BLOC1S5: variants seen among roughly 807,000 people sequenced by gnomAD.
BLOC1S5 encodes the protein biogenesis of lysosome-related organelles complex 1 subunit 5.
Under a neutral mutation model 24.3 loss-of-function variants are expected in BLOC1S5, and 27 were observed. That is an observed-to-expected ratio of 1.11 (90% CI 0.82 to 1.53). The LOEUF (loss-of-function observed/expected upper bound fraction) is 1.53, where lower values mean the gene tolerates loss of function less well. Among genes scored for constraint, BLOC1S5 ranks in the 40% most tolerant of loss-of-function variants. The probability of loss-of-function intolerance (pLI) is 0.00; values close to 1 mark genes in which losing one functional copy is unlikely to be tolerated. For missense variants in BLOC1S5, 239 were observed against 229.4 expected (o/e 1.04, Z -0.27); for synonymous variants, 84 against 74.5 (o/e 1.13, Z -0.66).
chr6:8,047,166 A>T (rs752209981), intron 2 of BLOC1S5, among the ~76,000 whole-genome samples: 3,736 of 18,464 alleles, frequency 0.2, 129 homozygotes, highest in East Asian at 0.39. Flanking sequence ...TCTCTCACAC[A>T]CACACACACA....
At chr6:8,041,301 G>C in intron 2 of BLOC1S5, 33 bp from the exon 3 acceptor site, 1 of 1,267,250 alleles carries the variant, frequency 7.9e-7, no homozygotes, top group Non-Finnish European at 1.1e-6. Flanking sequence ...TAATAAATAT[G>C]GTGTCTTTTC....
chr6:8,062,559 G>C lies in BLOC1S5; in HGVS notation c.170C>G (p.Thr57Ser). ...LDHRPVIQGE[T>S]RYFVKEFEEK... ...TTCAAATTCTTTTACAAAATAACGA[G>C]TTTCACCTTGAATAACTGGTCTGTG... is the stretch of plus-strand genomic sequence containing the variant. The change falls in exon 2 of 5, where the codon ACT becomes AGT. Residue 57 changes from threonine (T) to serine (S), a missense_variant. Transcript: ENST00000397457. The C allele has an allele frequency of 1.9e-6, 3 of 1,596,834 alleles. No homozygotes were observed. The highest frequency in any genetic ancestry group is 2.6e-6 in the Non-Finnish European group (3 of 1,169,340).
At chr6:8,046,167 A>G (rs928560205) in intron 2 of BLOC1S5, among the ~76,000 whole-genome samples, 1 of 152,176 alleles carries the variant, frequency 6.6e-6, no homozygotes, top group African/African-American at 2.4e-5. Flanking sequence ...AATAAGTCTC[A>G]TGAGATCTGA....
Position 8,029,983 on chromosome 6 carries a change from A to T in BLOC1S5, c.326-3558T>A, listed in dbSNP as rs1581404172. The stretch of plus-strand genomic sequence containing the variant: ...GTACATCCACAAGAAACAACAGCAA[A>T]CAAGGAATGAAGACCTCCCTAAACA... On this transcript the variant is annotated intron_variant, in intron 3 of 4. Transcript: ENST00000397457. 2.6e-5 allele frequency among the ~76,000 whole-genome samples: 4 copies of T among 152,342 alleles called. 1 individual carries two copies. In the Middle Eastern group the frequency reaches 0.014, roughly 518 times the overall value.
intron 3 of BLOC1S5, among the ~76,000 whole-genome samples, chr6:8,037,499 TC>T (rs1763526851): frequency 6.6e-6 from 1 of 152,156 alleles, no homozygotes; most frequent in Admixed American, 6.5e-5. Flanking sequence ...TGGAAAGATA[TC>T]CATGCTCTGT....
chr6:8,016,671 A>G (rs1013188250), intron 4 of BLOC1S5, among the ~76,000 whole-genome samples: 10 of 152,006 alleles, frequency 6.6e-5, no homozygotes, highest in Non-Finnish European at 1.2e-4. Flanking sequence ...GTTCAAGTCC[A>G]GTCTGGCCAA....
At chr6:8,055,657 G>A (rs889115505) in intron 2 of BLOC1S5, among the ~76,000 whole-genome samples, 3 of 151,924 alleles carry the variant, frequency 2.0e-5, no homozygotes, top group South Asian at 2.1e-4. Context: ...TCCCTTTTTC[G>A]TTTCACAAAG....
At chr6:8,016,556 C>G (rs987987902) in intron 4 of BLOC1S5, among the ~76,000 whole-genome samples, 2 of 152,068 alleles carry the variant, frequency 1.3e-5, no homozygotes, top group Non-Finnish European at 2.9e-5. Context: ...TTATTAGTCA[C>G]TAGAAGAGAA....
intron 3 of BLOC1S5, among the ~76,000 whole-genome samples, chr6:8,038,169 A>G (rs1763551447): frequency 6.6e-6 from 1 of 152,216 alleles, no homozygotes; most frequent in Non-Finnish European, 1.5e-5. Context: ...ACATCAAGCT[A>G]AAACGCTTCC....
intron 2 of BLOC1S5, among the ~76,000 whole-genome samples, chr6:8,057,847 C>G (rs922475896): frequency 6.6e-6 from 1 of 152,158 alleles, no homozygotes; most frequent in African/African-American, 2.4e-5. Flanking sequence ...TTTTTCCTAA[C>G]ACTTATTTTT....
Position 8,056,954 on chromosome 6 carries a change from C to T in BLOC1S5, c.195+5580G>A, listed in dbSNP as rs572899532. 3.4e-4 allele frequency among the ~76,000 whole-genome samples: 52 copies of T among 152,300 alleles called. 1 individual carries two copies. Among genetic ancestry groups the T allele is most frequent in the African/African-American group, 1.2e-3 (51 of 41,560 alleles). On this transcript the variant is annotated intron_variant, in intron 2 of 4. Transcript: ENST00000397457. ...AAAAAAGGCCTGGCGTGGTGGCTCACGCCTGTAATCCCAGCACTTTGGGAG... is the reference window on the plus strand; with the variant it reads ...AAAAAAGGCCTGGCGTGGTGGCTCATGCCTGTAATCCCAGCACTTTGGGAG...
intron 3 of BLOC1S5, among the ~76,000 whole-genome samples, chr6:8,036,835 C>A (rs1763505858): frequency 6.6e-6 from 1 of 152,136 alleles, no homozygotes; most frequent in East Asian, 1.9e-4. Context: ...CATGATCAAG[C>A]AGGATTTATC....
rs1397838770 is a variant in BLOC1S5 at position 8,062,965 on chromosome 6, A to C, written c.113-349T>G. 5.3e-5 allele frequency among the ~76,000 whole-genome samples: 8 copies of C among 152,158 alleles called. No homozygotes were observed. The East Asian group carries it at 1.5e-3, about 29-fold the overall frequency. On this transcript the variant is annotated intron_variant, in intron 1 of 4. Coordinates refer to ENST00000397457, the MANE Select transcript of BLOC1S5 (RefSeq NM_201280.3). Reference sequence around the variant, plus strand: ...AACGCAAAACACCTTAACCATACTCATACAATGGAATTCTATCAATCACCA... The same window carrying C: ...AACGCAAAACACCTTAACCATACTCCTACAATGGAATTCTATCAATCACCA...
chr6:8,035,385 T>A (rs1292018297), intron 3 of BLOC1S5, among the ~76,000 whole-genome samples: 6 of 148,800 alleles, frequency 4.0e-5, no homozygotes, highest in Non-Finnish European at 8.9e-5. Flanking sequence ...AGTGGCTGAA[T>A]AAATAAGACC....
At chr6:8,032,187 G>C (rs186782667) in intron 3 of BLOC1S5, among the ~76,000 whole-genome samples, 3 of 152,102 alleles carry the variant, frequency 2.0e-5, no homozygotes, top group African/African-American at 7.2e-5. Context: ...AACACACAGG[G>C]TGGGAGAAAA....
chr6:8,060,517 A>G (rs1310826686), intron 2 of BLOC1S5, among the ~76,000 whole-genome samples: 1 of 152,198 alleles, frequency 6.6e-6, no homozygotes, highest in Non-Finnish European at 1.5e-5. Context: ...TTTCACAGAG[A>G]TAAGACTGAA....
chr6:8,039,933 T>G (rs1249226452), intron 3 of BLOC1S5, among the ~76,000 whole-genome samples: 1 of 152,194 alleles, frequency 6.6e-6, no homozygotes, highest in African/African-American at 2.4e-5. Flanking sequence ...CAAGCGAGTT[T>G]AAACAAGAAA....
intron 4 of BLOC1S5, 52 bp from the exon 5 acceptor site, chr6:8,015,880 A>G: frequency 6.7e-7 from 1 of 1,503,658 alleles, no homozygotes; most frequent in Non-Finnish European, 9.0e-7. Flanking sequence ...CAATTATTTC[A>G]TAACGTTATC....
chr6:8,053,215 A>AAGC (rs973016349), intron 2 of BLOC1S5, among the ~76,000 whole-genome samples: 1 of 152,228 alleles, frequency 6.6e-6, no homozygotes, highest in Admixed American at 6.5e-5. Flanking sequence ...TTAGTTAATA[A>AAGC]AGCAGCAGCA....
Sources: allele counts gnomAD v4.1 joint callset (sites outside exome capture counted in the v4.1 genomes callset), GRCh38; gene constraint gnomAD v4.1.1; transcripts MANE v1.5; gene names NCBI Gene and HGNC (gene_info 2026-07-23, HGNC 2026-07-21).